The following UVRAG variants were observed in gnomAD, a reference collection of about 807,000 sequenced individuals.
UVRAG encodes the protein UV radiation resistance-associated gene protein.
Under a neutral mutation model 78.0 loss-of-function variants are expected in UVRAG, and 19 were observed. The observed-to-expected ratio is 0.24, with a 90% CI of 0.17 to 0.36. UVRAG has a LOEUF of 0.36. Ranked by LOEUF, UVRAG falls within the 10% of genes least tolerant of loss-of-function variation. The pLI, the probability that UVRAG is intolerant of heterozygous loss-of-function variation, is 1.00. For missense variants in UVRAG, 740 were observed against 853.8 expected (o/e 0.87, Z 1.66); for synonymous variants, 323 against 324.6 (o/e 1.00, Z 0.05).
chr11:75,950,967 C>T (rs1334843200), intron 6 of UVRAG, among the ~76,000 whole-genome samples: 6 of 130,608 alleles, frequency 4.6e-5, no homozygotes, highest in Non-Finnish European at 9.5e-5. Flanking sequence ...CAGGTGTACA[C>T]ACACACACAC....
rs552827608 is a variant in UVRAG, at chr11:75,823,120, A to G, written c.117+7596A>G. Among the ~76,000 whole-genome samples the G allele has an allele frequency of 4.6e-5, 7 of 152,308 alleles. No individual in the cohort carries two copies. The East Asian group carries it at 9.6e-4, about 21-fold the overall frequency. ...AAGTAAAGATTCTCCTAGTACCCCT[A>G]TGGCACCCAGGGAATGACAGAGGTT... On this transcript the variant is annotated intron_variant, in intron 1 of 14. Transcript: ENST00000356136.
intron 8 of UVRAG, among the ~76,000 whole-genome samples, chr11:75,994,872 T>G (rs1378860999): frequency 6.6e-6 from 1 of 152,248 alleles, no homozygotes; most frequent in Non-Finnish European, 1.5e-5. Flanking sequence ...TTCCTTTTTA[T>G]TATAGTATGG....
intron 13 of UVRAG, among the ~76,000 whole-genome samples, chr11:76,070,104 T>C (rs918971331): frequency 2.0e-5 from 3 of 152,038 alleles, no homozygotes; most frequent in African/African-American, 7.2e-5. Flanking sequence ...CACACACAAA[T>C]AGAATATTAT....
At chr11:76,020,649 C>CTTTTTTTTTTTTTTTTTTTTTTTT (rs35112254) in intron 12 of UVRAG, among the ~76,000 whole-genome samples, 2 of 52,252 alleles carry the variant, frequency 3.8e-5, no homozygotes, top group Non-Finnish European at 7.2e-5. Context: ...AAGAAGGAGT[C>CTTTTTTTTTTTTTTTTTTTTTTTT]TTTTTTTTTT....
chr11:76,064,126 G>C (rs988033695), intron 12 of UVRAG, among the ~76,000 whole-genome samples: 1 of 152,174 alleles, frequency 6.6e-6, no homozygotes, highest in Non-Finnish European at 1.5e-5. Flanking sequence ...TTTTAGGAAT[G>C]TTGAAGCTTG....
chr11:76,088,612 G>A (rs1184700265), intron 13 of UVRAG, among the ~76,000 whole-genome samples: 1 of 151,464 alleles, frequency 6.6e-6, no homozygotes, highest in Non-Finnish European at 1.5e-5. Context: ...CAAAACCTCC[G>A]CCACTGGCCC....
chr11:75,905,087 A>G (rs1036975219), intron 5 of UVRAG, among the ~76,000 whole-genome samples: 1 of 152,162 alleles, frequency 6.6e-6, no homozygotes, highest in Non-Finnish European at 1.5e-5. Context: ...AAGAAAAAAT[A>G]TTTGGCAGCT....
At chr11:76,135,551 A>G (rs934720377) in intron 14 of UVRAG, among the ~76,000 whole-genome samples, 1 of 152,236 alleles carries the variant, frequency 6.6e-6, no homozygotes, top group African/African-American at 2.4e-5. Flanking sequence ...GTTATTCAAC[A>G]AGCTACACTG....
intron 12 of UVRAG, among the ~76,000 whole-genome samples, chr11:76,056,764 A>T (rs1950991757): frequency 6.6e-6 from 1 of 152,172 alleles, no homozygotes; most frequent in Non-Finnish European, 1.5e-5. Flanking sequence ...TTGGAAGCAT[A>T]TTATGTCTAG....
chr11:75,976,736 C>T (rs1481432751), intron 7 of UVRAG, among the ~76,000 whole-genome samples: 4 of 151,784 alleles, frequency 2.6e-5, no homozygotes, highest in African/African-American at 4.8e-5. Flanking sequence ...TTTGTTATTG[C>T]GTCTATTTGA....
At chr11:76,138,253 C>G (rs1195998819) in intron 14 of UVRAG, among the ~76,000 whole-genome samples, 6 of 152,200 alleles carry the variant, frequency 3.9e-5, no homozygotes, top group African/African-American at 1.4e-4. Flanking sequence ...AGGATGGGCT[C>G]TGGAGTCAGA....
intron 13 of UVRAG, among the ~76,000 whole-genome samples, chr11:76,067,258 C>A (rs1012507528): frequency 2.0e-5 from 3 of 152,200 alleles, no homozygotes; most frequent in African/African-American, 7.2e-5. Context: ...GGAAAGCAGC[C>A]CTCTGACAGT....
intron 13 of UVRAG, among the ~76,000 whole-genome samples, chr11:76,088,744 G>A (rs763929196): frequency 1.3e-5 from 2 of 152,030 alleles, no homozygotes; most frequent in Non-Finnish European, 2.9e-5. Flanking sequence ...CATTCTCCAG[G>A]ATCCAACCAG....
intron 3 of UVRAG, among the ~76,000 whole-genome samples, chr11:75,864,787 A>G (rs72997688): frequency 0.061 from 9,286 of 152,332 alleles, 352 homozygotes; most frequent in East Asian, 0.17. Flanking sequence ...AAAGATTTGA[A>G]TACTTTATTT....
chr11:76,026,573 C>A (rs987769953), intron 12 of UVRAG, among the ~76,000 whole-genome samples: 3 of 152,064 alleles, frequency 2.0e-5, no homozygotes, highest in Non-Finnish European at 2.9e-5. Context: ...TTCTGTGTAT[C>A]CTATAAATTA....
At chr11:76,103,344 G>C (rs1246163809) in intron 13 of UVRAG, among the ~76,000 whole-genome samples, 1 of 152,106 alleles carries the variant, frequency 6.6e-6, no homozygotes, top group African/African-American at 2.4e-5. Context: ...ACTGTATGAG[G>C]AGGTAACCTC....
intron 12 of UVRAG, among the ~76,000 whole-genome samples, chr11:76,024,910 A>G (rs930108097): frequency 1.3e-5 from 2 of 152,080 alleles, no homozygotes; most frequent in African/African-American, 2.4e-5. Context: ...AAATTGAATG[A>G]CTCATTGGAT....
At chr11:75,965,899 T>A (rs890691602) in intron 7 of UVRAG, among the ~76,000 whole-genome samples, 1 of 152,070 alleles carries the variant, frequency 6.6e-6, no homozygotes, top group Non-Finnish European at 1.5e-5. Context: ...TTGATTTTCA[T>A]CCAGTACAAT....
At chr11:76,140,660 A>C (rs921275315) in intron 14 of UVRAG, 51 bp from the exon 15 acceptor site, 5 of 1,506,822 alleles carry the variant, frequency 3.3e-6, no homozygotes, top group Non-Finnish European at 4.4e-6. Context: ...CAGAAGGCTT[A>C]CACTGAGTTC....
Sources: gnomAD v4.1 joint callset for allele counts (sites outside exome capture counted in the v4.1 genomes callset) on GRCh38, gnomAD v4.1.1 for gene constraint, MANE v1.5 for transcripts, NCBI Gene and HGNC (gene_info 2026-07-23, HGNC 2026-07-21) for gene names.